Variants in TCERG1L observed in about 807,000 individuals in gnomAD.
The protein encoded by TCERG1L is transcription elongation regulator 1-like protein.
Under a neutral mutation model 56.3 loss-of-function variants are expected in TCERG1L, and 37 were observed. The observed-to-expected ratio is 0.66, with a 90% CI of 0.51 to 0.87. The LOEUF (loss-of-function observed/expected upper bound fraction) is 0.87, where lower values mean the gene tolerates loss of function less well. TCERG1L is among the 40% of genes least tolerant of loss of function. TCERG1L has a pLI of 0.00. For synonymous variants in TCERG1L, 324 were observed against 326.3 expected (o/e 0.99, Z 0.08); for missense variants, 799 against 774.2 (o/e 1.03, Z -0.38).
intron 3 of TCERG1L, among the ~76,000 whole-genome samples, chr10:131,274,924 G>A (rs546762309): frequency 1.7e-4 from 26 of 152,306 alleles, no homozygotes; most frequent in African/African-American, 5.5e-4. Flanking sequence ...AGGCAGGCTC[G>A]AGATCTCAGA....
At chr10:131,268,966 G>A (rs1382720335) in intron 3 of TCERG1L, among the ~76,000 whole-genome samples, 1 of 152,134 alleles carries the variant, frequency 6.6e-6, no homozygotes, top group Non-Finnish European at 1.5e-5. Flanking sequence ...CACTGGAGTA[G>A]CACTTTTGAT....
At chr10:131,200,016 GC>G (rs1189209348) in intron 4 of TCERG1L, among the ~76,000 whole-genome samples, 1 of 151,990 alleles carries the variant, frequency 6.6e-6, no homozygotes, top group Non-Finnish European at 1.5e-5. Flanking sequence ...CCTCTGAATG[GC>G]CCTTCCCATC....
chr10:131,116,926 C>T lies in TCERG1L; in HGVS notation c.1268G>A (p.Gly423Asp), dbSNP rs762542267. ...DVKTKRNRTEGCGSPKPEEAK... is the reference protein window; with the variant it reads ...DVKTKRNRTEDCGSPKPEEAK... ...CTCCTCTGGCTTGGGACTCCCGCAG[C>T]CTTCGGTCCTTCAGGAACACAAGAC... The change falls in exon 9 of 12, where the codon GGC becomes GAC. Residue 423 changes from glycine to aspartate, a missense_variant. Gly to Asp is a moderately conservative substitution (Grantham distance 94). Coordinates refer to ENST00000368642, the MANE Select transcript of TCERG1L (RefSeq NM_174937.4). 1.2e-6 allele frequency: 2 copies of T among 1,607,930 alleles called. No individual in the cohort carries two copies. Among genetic ancestry groups the T allele is most frequent in the South Asian group, 2.2e-5 (2 of 89,482 alleles).
At chr10:131,177,435 C>T (rs1209793816) in intron 4 of TCERG1L, among the ~76,000 whole-genome samples, 1 of 152,248 alleles carries the variant, frequency 6.6e-6, no homozygotes, top group African/African-American at 2.4e-5. Flanking sequence ...TAAACGTGAA[C>T]AAGCAAAATG....
chr10:131,288,570 G>T (rs1051786380), intron 3 of TCERG1L, among the ~76,000 whole-genome samples: 1 of 152,182 alleles, frequency 6.6e-6, no homozygotes, highest in African/African-American at 2.4e-5. Context: ...GAAAATGGAA[G>T]TCCCGTCCAG....
intron 3 of TCERG1L, among the ~76,000 whole-genome samples, chr10:131,291,656 G>A (rs1026996543): frequency 6.6e-6 from 1 of 151,324 alleles, no homozygotes; most frequent in African/African-American, 2.4e-5. Flanking sequence ...TCGATCTCCT[G>A]ACCTCGTGAT....
At chr10:131,199,212 G>C (rs566519526) in intron 4 of TCERG1L, among the ~76,000 whole-genome samples, 8 of 152,248 alleles carry the variant, frequency 5.3e-5, no homozygotes, top group Non-Finnish European at 8.8e-5. Flanking sequence ...CTCACCCTTT[G>C]ATCAAAGGGT....
At chr10:131,239,583 C>G (rs558620237) in intron 4 of TCERG1L, among the ~76,000 whole-genome samples, 4 of 152,236 alleles carry the variant, frequency 2.6e-5, no homozygotes, top group African/African-American at 9.6e-5. Flanking sequence ...TCAGACGCAT[C>G]GGCCCTCAGA....
chr10:131,179,132 A>C (rs1845143176), intron 4 of TCERG1L, among the ~76,000 whole-genome samples: 1 of 152,228 alleles, frequency 6.6e-6, no homozygotes, highest in African/African-American at 2.4e-5. Context: ...CACGGGCTGC[A>C]GATCAGGCTG....
chr10:131,135,913 C>A (rs114024587), intron 7 of TCERG1L, among the ~76,000 whole-genome samples: 1 of 152,222 alleles, frequency 6.6e-6, no homozygotes, highest in Non-Finnish European at 1.5e-5. Context: ...AGCCACAGCC[C>A]GGGCGGAGCT....
chr10:131,292,568 G>A (rs1014047359), intron 3 of TCERG1L, among the ~76,000 whole-genome samples: 30 of 151,944 alleles, frequency 2.0e-4, no homozygotes, highest in African/African-American at 3.1e-4. Context: ...CAGTTTCACC[G>A]TATTCCATGT....
Position 131,311,683 on chromosome 10 carries a change from G to C in TCERG1L, c.-48C>G. ...GGCGGCGGGGGCGGCGGGCGCCCGA[G>C]ATGCTGGGCCGGCGGCGGCGCGGCT... is the stretch of plus-strand genomic sequence containing the variant. On this transcript the variant is annotated 5_prime_UTR_variant, in exon 1 of 12. It adds an upstream start codon to the 5' untranslated region. Coordinates refer to ENST00000368642, the MANE Select transcript of TCERG1L (RefSeq NM_174937.4). This position sits in a 1 kb window ranked among gnomAD's most constrained non-coding sequence, Gnocchi z 4.0. The C allele has an allele frequency of 1.0e-6, 1 of 996,550 alleles. No homozygotes were observed. 61.7% of individuals were successfully genotyped at this position (996,550 alleles called of 1,614,324 possible).
At chr10:131,206,312 C>G (rs571357644) in intron 4 of TCERG1L, among the ~76,000 whole-genome samples, 2 of 152,228 alleles carry the variant, frequency 1.3e-5, no homozygotes, top group South Asian at 4.2e-4. Flanking sequence ...GGAGGTCAGC[C>G]CGGGACACAC....
chr10:131,158,818 A>G (rs1040411834), intron 6 of TCERG1L, among the ~76,000 whole-genome samples: 1 of 152,240 alleles, frequency 6.6e-6, no homozygotes, highest in Non-Finnish European at 1.5e-5. Context: ...GGACAGACAG[A>G]AGGAGATTCC....
chr10:131,264,053 G>T (rs1846260142), intron 3 of TCERG1L, among the ~76,000 whole-genome samples: 1 of 68 alleles, frequency 0.015, no homozygotes. Context: ...GACGGAGGGA[G>T]GGCTGAAACA....
chr10:131,250,903 T>C (rs1418421098), intron 4 of TCERG1L, among the ~76,000 whole-genome samples: 3 of 152,164 alleles, frequency 2.0e-5, no homozygotes, highest in Non-Finnish European at 2.9e-5. Flanking sequence ...CCATGTGACA[T>C]AGGACGTGCC....
intron 4 of TCERG1L, among the ~76,000 whole-genome samples, chr10:131,244,169 G>A (rs1487900916): frequency 6.6e-6 from 1 of 152,138 alleles, no homozygotes; most frequent in Non-Finnish European, 1.5e-5. Flanking sequence ...GGAAGAGGCT[G>A]CCCGTGGGGT....
chr10:131,192,390 G>A lies in TCERG1L; in HGVS notation c.857-25505C>T, dbSNP rs141610740. Among the ~76,000 whole-genome samples, 79 of 143,828 alleles carry A rather than the reference G, an allele frequency of 5.5e-4. 9 individuals are homozygous for A. The highest frequency in any genetic ancestry group is 1.8e-3 in the African/African-American group (70 of 38,266). 94.4% of individuals were successfully genotyped at this position (143,828 alleles called of 152,430 possible). On this transcript the variant is annotated intron_variant, in intron 4 of 11. Transcript: ENST00000368642. The stretch of plus-strand genomic sequence containing the variant: ...AGAAAACGATAGATATGAGGAAAAG[G>A]GACTCCTTTTACACTGCTGGTGGAA...
chr10:131,111,371 T>C lies in TCERG1L; in HGVS notation c.1395+5428A>G, dbSNP rs140149221. On this transcript the variant is annotated intron_variant, in intron 9 of 11. Transcript: ENST00000368642. ...CTGGGTCATACAGGGCCCCCAAACA[T>C]GGCGAACTTCCATCTCAAACACAAA... Among the ~76,000 whole-genome samples, 729 of 142,300 alleles carry C rather than the reference T, an allele frequency of 5.1e-3. 63 individuals carry two copies. Among genetic ancestry groups the C allele is most frequent in the African/African-American group, 0.017 (688 of 40,470 alleles). 93.4% of individuals were successfully genotyped at this position (142,300 alleles called of 152,430 possible).
Sources: gnomAD v4.1 joint callset for allele counts (sites outside exome capture counted in the v4.1 genomes callset) on GRCh38, gnomAD v4.1.1 for gene constraint, Gnocchi (gnomAD v3.1) non-coding constraint, MANE v1.5 for transcripts, NCBI Gene and HGNC (gene_info 2026-07-23, HGNC 2026-07-21) for gene names.